RIGI: variants seen among roughly 807,000 people sequenced by gnomAD.
The protein encoded by RIGI is RNA sensor RIG-I, also known as antiviral innate immune response receptor RIG-I.
At chr9:32,464,544 C>T in the RIGI span, among the ~76,000 whole-genome samples, 30 of 152,128 alleles carry the variant, frequency 2.0e-4, no homozygotes, top group African/African-American at 5.8e-4. Context: ...TGCCCGTCAC[C>T]GCGCCTGGCT....
chr9:32,466,494 A>C, the RIGI span: 11 of 1,470,806 alleles, frequency 7.5e-6, no homozygotes, highest in South Asian at 6.4e-5. Flanking sequence ...GCTCTGATAT[A>C]ATCTGCAAAT....
the RIGI span, among the ~76,000 whole-genome samples, chr9:32,482,853 T>TAAA: frequency 7.0e-6 from 1 of 142,266 alleles, no homozygotes; most frequent in Non-Finnish European, 1.5e-5. Context: ...GTGAGACTCT[T>TAAA]AAAAAAAAAA....
At chr9:32,475,322 A>G in the RIGI span, among the ~76,000 whole-genome samples, 1 of 152,200 alleles carries the variant, frequency 6.6e-6, no homozygotes, top group Admixed American at 6.5e-5. Context: ...TGCCTCTAAA[A>G]TGTATATAGA....
the RIGI span, chr9:32,472,912 T>TACAC: frequency 3.3e-3 from 3,491 of 1,057,238 alleles, 92 homozygotes; most frequent in African/African-American, 0.053. Flanking sequence ...CACATATACA[T>TACAC]ACACACACAC....
At chr9:32,475,386 A>T in the RIGI span, among the ~76,000 whole-genome samples, 1 of 150,516 alleles carries the variant, frequency 6.6e-6, no homozygotes, top group Non-Finnish European at 1.5e-5. Flanking sequence ...TGGAGGACTC[A>T]CATCACCCCA....
chr9:32,503,634 A>C, the RIGI span, among the ~76,000 whole-genome samples: 1 of 152,228 alleles, frequency 6.6e-6, no homozygotes, highest in Non-Finnish European at 1.5e-5. Context: ...TCATCAGCAC[A>C]GTACCTGGCT....
the RIGI span, among the ~76,000 whole-genome samples, chr9:32,497,167 A>G: frequency 6.6e-6 from 1 of 152,144 alleles, no homozygotes; most frequent in African/African-American, 2.4e-5. Flanking sequence ...TCTTTAATTC[A>G]TGAATGGGGA....
the RIGI span, among the ~76,000 whole-genome samples, chr9:32,493,427 C>T: frequency 2.6e-5 from 4 of 152,090 alleles, no homozygotes; most frequent in African/African-American, 4.8e-5. Context: ...AGTTCGAGAC[C>T]AGCCTGACCA....
chr9:32,498,578 A>C, the RIGI span, among the ~76,000 whole-genome samples: 97 of 152,362 alleles, frequency 6.4e-4, no homozygotes, highest in African/African-American at 2.3e-3. Context: ...TGAAAACAGA[A>C]ATGTAAAAAT....
the RIGI span, among the ~76,000 whole-genome samples, chr9:32,463,810 C>G: frequency 6.6e-6 from 1 of 151,190 alleles, no homozygotes; most frequent in African/African-American, 2.4e-5. Flanking sequence ...GTTCTTTGTT[C>G]AGAATGAACT....
chr9:32,460,374 T>C, the RIGI span, among the ~76,000 whole-genome samples: 1 of 152,196 alleles, frequency 6.6e-6, no homozygotes, highest in African/African-American at 2.4e-5. Context: ...AGTATGATTG[T>C]ATTCTAATTC....
At chr9:32,488,913 A>C in the RIGI span, 63 of 1,577,336 alleles carry the variant, frequency 4.0e-5, no homozygotes, top group South Asian at 6.9e-4. Flanking sequence ...GAAAAAAGAA[A>C]ACATGTAACT....
At chr9:32,497,766 G>GAATA in the RIGI span, among the ~76,000 whole-genome samples, 19 of 150,894 alleles carry the variant, frequency 1.3e-4, no homozygotes, top group East Asian at 5.9e-4. Context: ...ATGAATGAAT[G>GAATA]AATAAATAAA....
chr9:32,468,034 T>G, the RIGI span: 3 of 1,056,668 alleles, frequency 2.8e-6, no homozygotes, highest in Non-Finnish European at 4.1e-6. Flanking sequence ...TGCCAAGTAC[T>G]GTGATAAGTA....
chr9:32,516,957 G>T, the RIGI span, among the ~76,000 whole-genome samples: 1 of 152,218 alleles, frequency 6.6e-6, no homozygotes, highest in Non-Finnish European at 1.5e-5. Flanking sequence ...TTTGTTGATT[G>T]TATGTGTCAA....
the RIGI span, chr9:32,500,659 T>C: frequency 1.1e-6 from 1 of 898,854 alleles, no homozygotes; most frequent in Non-Finnish European, 1.6e-6. Flanking sequence ...TTATATCATC[T>C]GCCTAAAAAC....
At chr9:32,505,495 T>C in the RIGI span, among the ~76,000 whole-genome samples, 2 of 152,206 alleles carry the variant, frequency 1.3e-5, no homozygotes, top group Admixed American at 1.3e-4. Context: ...AGGCTGTCTC[T>C]TCCTCACTCA....
chr9:32,496,832 G>C, the RIGI span, among the ~76,000 whole-genome samples: 9 of 152,160 alleles, frequency 5.9e-5, no homozygotes, highest in African/African-American at 1.9e-4. Flanking sequence ...TGAAGAGACT[G>C]TCCTTTCCCC....
At chr9:32,517,414 T>C in the RIGI span, among the ~76,000 whole-genome samples, 1 of 152,222 alleles carries the variant, frequency 6.6e-6, no homozygotes, top group Non-Finnish European at 1.5e-5. Context: ...GTACATTAAC[T>C]ATGTTATACA....
Sources: allele counts gnomAD v4.1 joint callset (sites outside exome capture counted in the v4.1 genomes callset), GRCh38; gene constraint gnomAD v4.1.1; transcripts MANE v1.5; gene names NCBI Gene and HGNC (gene_info 2026-07-23, HGNC 2026-07-21).